Variants in DNAH11 observed in about 807,000 individuals in gnomAD.
The protein encoded by DNAH11 is axonemal beta dynein heavy chain 11.
A neutral mutation model predicts 526.0 loss-of-function variants in DNAH11; 442 were observed. The ratio of observed to expected loss-of-function variants is 0.84; its 90% confidence interval spans 0.78 to 0.91. The LOEUF (loss-of-function observed/expected upper bound fraction) is 0.91. Ranked by LOEUF, DNAH11 falls within the 40% of genes least tolerant of loss-of-function variation. The pLI, the probability that DNAH11 is intolerant of heterozygous loss-of-function variation, is 0.00. For missense variants in DNAH11, 6,989 were observed against 5,448.7 expected (o/e 1.28, Z -8.90); for synonymous variants, 2,461 against 1,935.9 (o/e 1.27, Z -7.12).
At chr7:21,556,488 A>G (rs1479516672) in intron 2 of DNAH11, among the ~76,000 whole-genome samples, 1 of 152,182 alleles carries the variant, frequency 6.6e-6, no homozygotes, top group Non-Finnish European at 1.5e-5. Context: ...CCAGTAGGTA[A>G]TGCATGTTCA....
intron 65 of DNAH11, among the ~76,000 whole-genome samples, chr7:21,824,751 G>A (rs1465045058): frequency 1.3e-5 from 2 of 152,172 alleles, no homozygotes; most frequent in African/African-American, 2.4e-5. Context: ...TTCTTTTGGA[G>A]CTTTATAAAA....
rs376307851 is a variant in DNAH11, at chr7:21,787,381, T to C, written c.9742-20T>C. 3 of 1,592,056 alleles carry C rather than the reference T, an allele frequency of 1.9e-6. No homozygotes were observed. The African/African-American group carries it at 4.0e-5, about 21-fold the overall frequency. ...TGCAGCCAAAATGGGTTCATTGCAA[T>C]AAATCTTTTTGCTTTGCAGGTTGAT... On this transcript the variant is annotated intron_variant, in intron 59 of 81. Transcript: ENST00000409508.
Position 21,590,946 on chromosome 7 carries a change from A to G in DNAH11, c.2198A>G (p.Tyr733Cys). Residue 733 changes from tyrosine (Y) to cysteine (C), a missense_variant, in exon 13 of 82, where the codon TAT becomes TGT. Coordinates refer to ENST00000409508, the MANE Select transcript of DNAH11 (RefSeq NM_001277115.2). ...GTGGCTGTATTGAGAGAAGTGAAAT[A>G]TCTTTTGATGTTGAAGAAACAAGAC... ...KLVAVLREVK[Y>C]LLMLKKQDIP... 6.7e-7 allele frequency: 1 copy of G among 1,496,932 alleles called. No homozygotes were observed. The highest frequency in any genetic ancestry group is 8.8e-7 in the Non-Finnish European group (1 of 1,132,798). 92.7% of individuals were successfully genotyped at this position (1,496,932 alleles called of 1,614,324 possible).
chr7:21,727,444 AAT>A (rs1447576411), intron 45 of DNAH11, among the ~76,000 whole-genome samples: 1 of 152,172 alleles, frequency 6.6e-6, no homozygotes, highest in African/African-American at 2.4e-5. Flanking sequence ...CTATCAAATG[AAT>A]ATGTTTAATC....
At chr7:21,867,754 C>T in intron 71 of DNAH11, 105 bp from the exon 72 acceptor site, 2 of 1,014,626 alleles carry the variant, frequency 2.0e-6, no homozygotes, top group African/African-American at 3.2e-5. Context: ...TGTAATAAAC[C>T]TGGTTACTTC....
At chr7:21,778,933 G>A (rs1162042552) in intron 56 of DNAH11, 25 bp from the exon 57 acceptor site, 15 of 1,609,446 alleles carry the variant, frequency 9.3e-6, no homozygotes, top group Admixed American at 5.0e-5. Context: ...GGCCAGTGAC[G>A]TAAGAATAAT....
At chr7:21,601,223 GC>G in intron 17 of DNAH11, 44 bp downstream of exon 17, 1 of 1,555,346 alleles carries the variant, frequency 6.4e-7, no homozygotes, top group Non-Finnish European at 8.7e-7. Flanking sequence ...TTTCTAAACT[GC>G]TTTCTAAAAC....
Position 21,724,958 on chromosome 7 carries a change from G to A in DNAH11, c.7267-853G>A, listed in dbSNP as rs937596230. The stretch of plus-strand genomic sequence containing the variant: ...GTGGACATGGGCATCACTGGGACAG[G>A]TCATCCTGTAGACATGGGCATCACT... On this transcript the variant is annotated intron_variant, in intron 44 of 81. Coordinates refer to ENST00000409508, the MANE Select transcript of DNAH11 (RefSeq NM_001277115.2). Among the ~76,000 whole-genome samples the A allele has an allele frequency of 2.0e-5, 3 of 152,156 alleles. No individual in the cohort carries two copies. The South Asian group carries it at 6.2e-4, about 31-fold the overall frequency.
At chr7:21,851,005 A>C (rs1782611096) in intron 66 of DNAH11, among the ~76,000 whole-genome samples, 1 of 152,120 alleles carries the variant, frequency 6.6e-6, no homozygotes, top group African/African-American at 2.4e-5. Context: ...AATCACTGGG[A>C]TGTGGCCTTC....
rs1419057687 is a variant in DNAH11, at chr7:21,852,507, T to C, written c.10937T>C (p.Leu3646Pro). 1.9e-6 allele frequency: 3 copies of C among 1,613,408 alleles called. No homozygotes were observed. Among genetic ancestry groups the C allele is most frequent in the Non-Finnish European group, 2.5e-6 (3 of 1,179,736 alleles). ...CACCAAAATGATTTTAAAATTGAGC[T>C]CAAGTATCTGGAAGACGATCTCCTT... ...TKHQNDFKIELKYLEDDLLLR... is the reference protein window; with the variant it reads ...TKHQNDFKIEPKYLEDDLLLR... The change falls in exon 67 of 82, where the codon CTC becomes CCC. Residue 3646 changes from leucine (L) to proline (P), a missense_variant. By Grantham distance (98) the Leu-to-Pro change is moderately conservative (BLOSUM62 -3). Coordinates refer to ENST00000409508, the MANE Select transcript of DNAH11 (RefSeq NM_001277115.2).
chr7:21,660,713 C>G (rs1782206608), intron 30 of DNAH11, among the ~76,000 whole-genome samples: 1 of 151,732 alleles, frequency 6.6e-6, no homozygotes, highest in African/African-American at 2.4e-5. Flanking sequence ...ATAGACATGC[C>G]TGTTTATAGG....
chr7:21,846,352 G>T (rs796451063), intron 66 of DNAH11, among the ~76,000 whole-genome samples: 1 of 152,098 alleles, frequency 6.6e-6, no homozygotes, highest in Admixed American at 6.5e-5. Flanking sequence ...TGTAAGCTAT[G>T]ATTCTCTTCT....
chr7:21,733,118 G>T (rs1785451155), intron 45 of DNAH11, among the ~76,000 whole-genome samples: 1 of 152,224 alleles, frequency 6.6e-6, no homozygotes, highest in African/African-American at 2.4e-5. Context: ...CAGGTGCAGT[G>T]ACTCAAGCCT....
chr7:21,667,223 CA>C (rs1782456610), intron 30 of DNAH11, among the ~76,000 whole-genome samples: 1 of 152,106 alleles, frequency 6.6e-6, no homozygotes, highest in African/African-American at 2.4e-5. Flanking sequence ...GTCCCCAGTA[CA>C]AAGCCCTGAG....
At chr7:21,588,233 A>G in intron 10 of DNAH11, 32 bp downstream of exon 10, 1 of 1,595,454 alleles carries the variant, frequency 6.3e-7, no homozygotes, top group Non-Finnish European at 8.5e-7. Flanking sequence ...ACACATTTAC[A>G]ATATCATTTA....
rs58775729 is a variant in DNAH11, at chr7:21,786,302, A to ATGTGTGTGTGTG, written c.9598-306_9598-295dup. 3.3e-4 allele frequency among the ~76,000 whole-genome samples: 50 copies of ATGTGTGTGTGTG among 150,842 alleles called. 1 individual carries two copies. Among genetic ancestry groups the ATGTGTGTGTGTG allele is most frequent in the African/African-American group, 1.1e-3 (47 of 40,872 alleles). On this transcript the variant is annotated intron_variant, in intron 58 of 81. Transcript: ENST00000409508. The stretch of plus-strand genomic sequence containing the variant: ...TATAAATATCTTACAACATATACAC[A>ATGTGTGTGTGTG]TGTGTGTGTGTGTGTGTGTGTGTGT...
chr7:21,728,018 T>C (rs1408176271), intron 45 of DNAH11, among the ~76,000 whole-genome samples: 1 of 152,090 alleles, frequency 6.6e-6, no homozygotes, highest in Non-Finnish European at 1.5e-5. Flanking sequence ...ACCAGTCACA[T>C]TGGATAAGGG....
chr7:21,835,640 A>T (rs930151894), intron 65 of DNAH11, among the ~76,000 whole-genome samples: 22 of 152,298 alleles, frequency 1.4e-4, no homozygotes, highest in African/African-American at 5.1e-4. Flanking sequence ...ATATATGACA[A>T]ACCCACAGCT....
chr7:21,745,582 G>C (rs1392910742), intron 51 of DNAH11, among the ~76,000 whole-genome samples: 1 of 152,212 alleles, frequency 6.6e-6, no homozygotes, highest in African/African-American at 2.4e-5. Flanking sequence ...ACCATCTGCA[G>C]CCCTCCTATG....
Sources: gnomAD v4.1 joint callset for allele counts (sites outside exome capture counted in the v4.1 genomes callset) on GRCh38, gnomAD v4.1.1 for gene constraint, MANE v1.5 for transcripts, NCBI Gene and HGNC (gene_info 2026-07-23, HGNC 2026-07-21) for gene names.